Variants in SLC5A11 observed in about 807,000 individuals in gnomAD.
The protein encoded by SLC5A11 is solute carrier family 5 member 11.
SLC5A11 carries 48 observed loss-of-function variants against 69.8 expected under a neutral mutation model. The ratio of observed to expected loss-of-function variants is 0.69; its 90% confidence interval spans 0.55 to 0.87. The LOEUF (loss-of-function observed/expected upper bound fraction) is 0.87. SLC5A11 is among the 40% of genes least tolerant of loss of function. SLC5A11 has a pLI of 0.00. For synonymous variants in SLC5A11, 319 were observed against 342.4 expected, an observed-to-expected ratio of 0.93 and a Z score of 0.75; for missense variants, 784 against 866.1, an observed-to-expected ratio of 0.91 and a Z score of 1.19.
At chr16:24,909,455 T>C (rs996994084) in intron 14 of SLC5A11, among the ~76,000 whole-genome samples, 4 of 151,248 alleles carry the variant, frequency 2.6e-5, no homozygotes, top group Non-Finnish European at 5.9e-5. Context: ...GCCTGGGCAA[T>C]ATAGTGAGAT....
At chr16:24,849,249 G>T (rs562267850) in intron 1 of SLC5A11, among the ~76,000 whole-genome samples, 1 of 152,102 alleles carries the variant, frequency 6.6e-6, no homozygotes, top group South Asian at 2.1e-4. Flanking sequence ...TAACTCGCAC[G>T]TGTGAACTTT....
chr16:24,864,855 T>C (rs989122761), intron 3 of SLC5A11, among the ~76,000 whole-genome samples: 14 of 151,270 alleles, frequency 9.3e-5, no homozygotes, highest in Admixed American at 5.9e-4. Flanking sequence ...TAACAATAAG[T>C]GAAATAACAT....
intron 8 of SLC5A11, among the ~76,000 whole-genome samples, chr16:24,884,881 CA>C (rs1055406738): frequency 1.3e-5 from 2 of 151,910 alleles, no homozygotes; most frequent in Admixed American, 1.3e-4. Flanking sequence ...GCTGGGCCCA[CA>C]GGTGTGCACC....
intron 2 of SLC5A11, among the ~76,000 whole-genome samples, 153 bp from the exon 4 acceptor site, chr16:24,862,448 T>G (rs1166969214): frequency 6.6e-6 from 1 of 152,228 alleles, no homozygotes. Flanking sequence ...AATTAAAATT[T>G]TATCCAAAAC....
At chr16:24,891,559 A>T (rs1379559607) in intron 9 of SLC5A11, among the ~76,000 whole-genome samples, 1 of 152,038 alleles carries the variant, frequency 6.6e-6, no homozygotes, top group African/African-American at 2.4e-5. Context: ...CCTGAGTTCA[A>T]GTGATCCTCC....
chr16:24,887,758 C>T (rs1235185204), intron 8 of SLC5A11, among the ~76,000 whole-genome samples: 1 of 151,954 alleles, frequency 6.6e-6, no homozygotes, highest in Non-Finnish European at 1.5e-5. Context: ...TATTTATTTT[C>T]TCAACAAAAC....
chr16:24,895,505 G>T (rs901645377), intron 9 of SLC5A11, among the ~76,000 whole-genome samples: 7 of 145,302 alleles, frequency 4.8e-5, no homozygotes, highest in Middle Eastern at 3.4e-3. Context: ...GAAAGGAAAA[G>T]AAAAGAAAAA....
At chr16:24,850,655 A>C (rs999735253) in intron 1 of SLC5A11, among the ~76,000 whole-genome samples, 14 of 152,188 alleles carry the variant, frequency 9.2e-5, no homozygotes, top group Non-Finnish European at 1.0e-4. Flanking sequence ...GCCCTGCTTC[A>C]GTCATTTACT....
intron 2 of SLC5A11, 113 bp downstream of exon 3, chr16:24,858,891 A>G: frequency 7.4e-7 from 1 of 1,352,274 alleles, no homozygotes; most frequent in Non-Finnish European, 9.9e-7. Flanking sequence ...AGAGGAAGAA[A>G]CTAACACAAG....
intron 12 of SLC5A11, 143 bp from the exon 14 acceptor site, chr16:24,907,820 A>T: frequency 1.0e-6 from 1 of 996,154 alleles, no homozygotes; most frequent in Non-Finnish European, 1.5e-6. Context: ...CAGGAGTTGG[A>T]GGCTGCAGTG....
intron 8 of SLC5A11, among the ~76,000 whole-genome samples, chr16:24,888,812 T>TTC (rs35917864): frequency 3.9e-5 from 5 of 129,622 alleles, no homozygotes; most frequent in African/African-American, 6.6e-5. Flanking sequence ...TTTTTTTTTT[T>TTC]CTGAGACGGA....
At chr16:24,890,758 A>G (rs1286826086) in intron 8 of SLC5A11, 111 bp from the exon 10 acceptor site, 1 of 1,010,186 alleles carries the variant, frequency 9.9e-7, no homozygotes, top group Non-Finnish European at 1.6e-6. Context: ...GGGGATTAAC[A>G]TTTTTGGTGG....
chr16:24,884,203 C>A, intron 8 of SLC5A11, 72 bp downstream of exon 9: 1 of 1,441,648 alleles, frequency 6.9e-7, no homozygotes, highest in South Asian at 1.2e-5. Context: ...GCTCTCCACA[C>A]TGTGAACGGC....
At chr16:24,871,195 A>T (rs2061009353) in intron 4 of SLC5A11, among the ~76,000 whole-genome samples, 1 of 152,196 alleles carries the variant, frequency 6.6e-6, no homozygotes, top group Non-Finnish European at 1.5e-5. Context: ...TTCTTGCTCC[A>T]ACACGTATAA....
At chr16:24,865,465 G>C (rs909003933) in intron 3 of SLC5A11, among the ~76,000 whole-genome samples, 2 of 152,188 alleles carry the variant, frequency 1.3e-5, no homozygotes, top group African/African-American at 4.8e-5. Flanking sequence ...GCTGAGGCAG[G>C]AGAATTGCTT....
At chr16:24,846,830 A>G (rs1464485173) in intron 1 of SLC5A11, 3 of 152,266 alleles carry the variant, frequency 2.0e-5, no homozygotes. Flanking sequence ...ATAAGCATTA[A>G]AAAGCTATAG....
At chr16:24,897,759 G>T in intron 9 of SLC5A11, among the ~76,000 whole-genome samples, 1 of 152,148 alleles carries the variant, frequency 6.6e-6, no homozygotes, top group South Asian at 2.1e-4. Context: ...AGTGAAAGGG[G>T]TTTCCCCTTA....
At position 24,884,176 on chromosome 16, in the gene SLC5A11, C is replaced by T. The variant is rs1291458323; in HGVS notation, c.664+45C>T. On this transcript the variant is annotated intron_variant, in intron 8 of 15. Transcript: ENST00000347898. Reference sequence around the variant, plus strand: ...CACTGGGGCGGACAACAGCACCTCTCTCCAGCAGGGATATCTGCTCTCCAC... The same window carrying T: ...CACTGGGGCGGACAACAGCACCTCTTTCCAGCAGGGATATCTGCTCTCCAC... The T allele has an allele frequency of 2.5e-6, 4 of 1,569,848 alleles. No individual in the cohort carries two copies. The African/African-American group carries it at 5.4e-5, about 21-fold the overall frequency.
intron 6 of SLC5A11, among the ~76,000 whole-genome samples, chr16:24,876,547 G>A (rs1018306290): frequency 6.6e-6 from 1 of 152,212 alleles, no homozygotes; most frequent in African/African-American, 2.4e-5. Context: ...AGGGAGGAGG[G>A]AGGAGCTTGT....
Sources: allele counts gnomAD v4.1 joint callset (sites outside exome capture counted in the v4.1 genomes callset), GRCh38; gene constraint gnomAD v4.1.1; transcripts MANE v1.5; gene names NCBI Gene and HGNC (gene_info 2026-07-23, HGNC 2026-07-21).